VAT1L: variants seen among roughly 807,000 people sequenced by gnomAD.
VAT1L encodes putative NADPH-dependent quinone oxidoreductase VAT1L.
VAT1L carries 34 observed loss-of-function variants against 44.1 expected under a neutral mutation model. The observed-to-expected ratio is 0.77, with a 90% CI of 0.59 to 1.03. VAT1L has a LOEUF of 1.03. VAT1L is among the 50% of genes least tolerant of loss of function. The pLI, the probability that VAT1L is intolerant of heterozygous loss-of-function variation, is 0.00. For missense variants in VAT1L, 615 were observed against 538.8 expected (o/e 1.14, Z -1.40); for synonymous variants, 253 against 202.2 (o/e 1.25, Z -2.13).
intron 7 of VAT1L, among the ~76,000 whole-genome samples, chr16:77,958,851 C>A (rs926236011): frequency 1.3e-5 from 2 of 152,168 alleles, no homozygotes; most frequent in Non-Finnish European, 2.9e-5. Flanking sequence ...CTCTTGTAAG[C>A]CAGTGTTCCT....
At chr16:77,824,007 G>A (rs2016489813) in intron 2 of VAT1L, among the ~76,000 whole-genome samples, 1 of 151,926 alleles carries the variant, frequency 6.6e-6, no homozygotes. Flanking sequence ...TGGGAAACAA[G>A]AGCGAAACTC....
chr16:77,802,609 A>T (rs1196528331), intron 1 of VAT1L, among the ~76,000 whole-genome samples: 2 of 131,032 alleles, frequency 1.5e-5, no homozygotes, highest in African/African-American at 5.9e-5. Flanking sequence ...GCGAGACCCC[A>T]TCTCAAACAC....
intron 7 of VAT1L, among the ~76,000 whole-genome samples, chr16:77,891,958 G>C (rs2017270937): frequency 6.6e-6 from 1 of 152,170 alleles, no homozygotes; most frequent in Non-Finnish European, 1.5e-5. Flanking sequence ...TGTAGTCCCA[G>C]CTACTCGGGG....
intron 7 of VAT1L, among the ~76,000 whole-genome samples, chr16:77,970,386 T>C (rs1372186138): frequency 6.6e-6 from 1 of 152,246 alleles, no homozygotes; most frequent in African/African-American, 2.4e-5. Context: ...TTTTATCATA[T>C]ATCCATAGCC....
chr16:77,892,435 C>T, intron 7 of VAT1L: 1 of 474,586 alleles, frequency 2.1e-6, no homozygotes, highest in Non-Finnish European at 4.2e-6. Flanking sequence ...TGGTCAATCC[C>T]ACTATGTTGG....
intron 3 of VAT1L, among the ~76,000 whole-genome samples, chr16:77,830,429 G>A (rs1035307393): frequency 3.3e-5 from 5 of 152,044 alleles, no homozygotes; most frequent in South Asian, 2.1e-4. Context: ...CTGTGTCCCC[G>A]CCAAAATCTC....
Position 77,977,948 on chromosome 16 carries a change from T to A in VAT1L, c.*253T>A, listed in dbSNP as rs1366228623. 7 of 428,298 alleles carry A rather than the reference T, an allele frequency of 1.6e-5. 1 individual carries two copies. The highest frequency in any genetic ancestry group is 3.0e-5 in the Non-Finnish European group (7 of 231,402). The allele number at this position is 428,298 out of a possible 1,614,324, so 26.5% of individuals were successfully genotyped here. A position where few individuals can be genotyped will look rare whatever the true frequency, so the allele number is the denominator to read the frequency against. On this transcript the variant is annotated 3_prime_UTR_variant, in exon 9 of 9. Coordinates refer to ENST00000302536, the MANE Select transcript of VAT1L (RefSeq NM_020927.3). The stretch of plus-strand genomic sequence containing the variant: ...CCCCTGTATCAAAACCATCCATCTG[T>A]GGGTTCTTCTTGACAGTTCTAGAAC...
intron 3 of VAT1L, among the ~76,000 whole-genome samples, chr16:77,829,500 A>G (rs921530565): frequency 2.0e-5 from 3 of 152,256 alleles, no homozygotes; most frequent in Non-Finnish European, 4.4e-5. Context: ...AGCAGGATAC[A>G]CTCTCATTGG....
rs150002993 is a variant in VAT1L, at chr16:77,874,749, C to T, written c.723-1621C>T. On this transcript the variant is annotated intron_variant, in intron 4 of 8. Coordinates refer to ENST00000302536, the MANE Select transcript of VAT1L (RefSeq NM_020927.3). ...TATTGGTGAATATCTGCCTCTTATA[C>T]GCTCCAAAAAGAGGAGAAAGCAATA... Among the ~76,000 whole-genome samples the T allele has an allele frequency of 1.1e-4, 16 of 150,916 alleles. No individual in the cohort carries two copies. In the East Asian group the frequency reaches 1.6e-3, roughly 15 times the overall value.
intron 7 of VAT1L, among the ~76,000 whole-genome samples, chr16:77,947,889 A>T (rs2017989747): frequency 1.3e-5 from 2 of 152,038 alleles, no homozygotes; most frequent in South Asian, 4.1e-4. Flanking sequence ...CCTCCCAAGT[A>T]GCTAGGATTA....
chr16:77,880,215 G>A (rs1217758455), intron 6 of VAT1L, among the ~76,000 whole-genome samples: 1 of 152,044 alleles, frequency 6.6e-6, no homozygotes, highest in Non-Finnish European at 1.5e-5. Flanking sequence ...GGAGTGCCGT[G>A]GCATGGTCTC....
chr16:77,938,530 C>T (rs62042228), intron 7 of VAT1L, among the ~76,000 whole-genome samples: 11,503 of 152,104 alleles, frequency 0.076, 506 homozygotes, highest in South Asian at 0.12. Context: ...TACTGTACAG[C>T]GAGTTCTCAT....
chr16:77,891,335 C>G (rs2017263545), intron 7 of VAT1L, among the ~76,000 whole-genome samples: 1 of 152,148 alleles, frequency 6.6e-6, no homozygotes, highest in East Asian at 1.9e-4. Context: ...GCCTGGGCGA[C>G]AGAGCAAGAC....
intron 4 of VAT1L, among the ~76,000 whole-genome samples, chr16:77,868,499 C>T (rs1173095573): frequency 6.6e-6 from 1 of 152,166 alleles, no homozygotes; most frequent in Non-Finnish European, 1.5e-5. Flanking sequence ...TTTGGGTCTT[C>T]CACATTGTAT....
chr16:77,892,276 G>A (rs2017274764), intron 7 of VAT1L: 2 of 263,498 alleles, frequency 7.6e-6, no homozygotes, highest in Non-Finnish European at 1.5e-5. Context: ...AGGAGAAATT[G>A]TGGAAAGTCC....
At chr16:77,966,922 T>C (rs920422416) in intron 7 of VAT1L, among the ~76,000 whole-genome samples, 1 of 106,338 alleles carries the variant, frequency 9.4e-6, no homozygotes, top group Non-Finnish European at 1.8e-5. Flanking sequence ...TTTTAAGCAG[T>C]AGAGTACTTT....
At chr16:77,838,010 C>T (rs2016659064) in intron 3 of VAT1L, among the ~76,000 whole-genome samples, 1 of 152,226 alleles carries the variant, frequency 6.6e-6, no homozygotes, top group Non-Finnish European at 1.5e-5. Context: ...CCGATCTCAT[C>T]TCCCTTGGTC....
chr16:77,892,543 TG>T, intron 7 of VAT1L: 1 of 586,612 alleles, frequency 1.7e-6, no homozygotes. Context: ...CTCTAAGCCC[TG>T]GAGAGGAAGG....
intron 5 of VAT1L, among the ~76,000 whole-genome samples, chr16:77,878,510 A>G (rs1310706617): frequency 6.6e-6 from 1 of 150,896 alleles, no homozygotes; most frequent in Non-Finnish European, 1.5e-5. Flanking sequence ...TCTCCGTATG[A>G]GAATCTTAGG....
Sources: allele counts gnomAD v4.1 joint callset (sites outside exome capture counted in the v4.1 genomes callset), GRCh38; gene constraint gnomAD v4.1.1; transcripts MANE v1.5; gene names NCBI Gene and HGNC (gene_info 2026-07-23, HGNC 2026-07-21).